The following FRMD4A variants were observed in gnomAD, a reference collection of about 807,000 sequenced individuals.
The protein encoded by FRMD4A is FERM domain containing 4A.
FRMD4A carries 29 observed loss-of-function variants against 129.1 expected under a neutral mutation model. That is an observed-to-expected ratio of 0.22 (90% CI 0.17 to 0.31). The LOEUF (loss-of-function observed/expected upper bound fraction) is 0.31. Ranked by LOEUF, FRMD4A falls within the 10% of genes least tolerant of loss-of-function variation. The pLI is 1.00. For missense variants in FRMD4A, 1,272 were observed against 1,375.8 expected (o/e 0.92, Z 1.19); for synonymous variants, 634 against 571.6 (o/e 1.11, Z -1.56).
chr10:13,960,897 C>A (rs1393768398), intron 2 of FRMD4A, among the ~76,000 whole-genome samples: 1 of 152,186 alleles, frequency 6.6e-6, no homozygotes, highest in African/African-American at 2.4e-5. Context: ...GAGGGCAGGG[C>A]AGAGTCACAA....
chr10:13,967,162 C>T (rs187344897), intron 2 of FRMD4A, among the ~76,000 whole-genome samples: 4 of 152,304 alleles, frequency 2.6e-5, no homozygotes, highest in Non-Finnish European at 4.4e-5. Context: ...CGGTGAAACC[C>T]TGTCTCTACT....
At chr10:14,271,415 A>G (rs1307042070) in intron 2 of FRMD4A, among the ~76,000 whole-genome samples, 1 of 152,218 alleles carries the variant, frequency 6.6e-6, no homozygotes, top group Non-Finnish European at 1.5e-5. Context: ...TAGGGCACTC[A>G]CATACAAACC....
At chr10:13,891,597 C>A (rs2094697441) in intron 2 of FRMD4A, 10 of 985,188 alleles carry the variant, frequency 1.0e-5, no homozygotes, top group South Asian at 4.7e-5. Context: ...TCCCTGCCAC[C>A]GCGACCGGGA....
intron 2 of FRMD4A, among the ~76,000 whole-genome samples, chr10:13,974,151 T>G (rs1329768024): frequency 6.6e-6 from 1 of 152,104 alleles, no homozygotes. Context: ...CATTGTTTTA[T>G]TCTACGACGA....
intron 3 of FRMD4A, among the ~76,000 whole-genome samples, chr10:13,818,916 A>T (rs1177872912): frequency 6.6e-6 from 1 of 152,236 alleles, no homozygotes; most frequent in East Asian, 1.9e-4. Flanking sequence ...ACCTGAGGCC[A>T]GGAGTTTGAG....
At chr10:13,941,921 A>G (rs1203632019) in intron 2 of FRMD4A, among the ~76,000 whole-genome samples, 1 of 152,040 alleles carries the variant, frequency 6.6e-6, no homozygotes, top group East Asian at 1.9e-4. Flanking sequence ...TTTACATTTT[A>G]CCCTGGTCTG....
intron 2 of FRMD4A, among the ~76,000 whole-genome samples, chr10:14,147,210 A>G (rs1168426969): frequency 6.6e-6 from 1 of 152,152 alleles, no homozygotes; most frequent in Admixed American, 6.6e-5. Flanking sequence ...ATCAGGTGAG[A>G]GTCTAAAGGT....
Position 13,699,224 on chromosome 10 carries a change from G to GTTTTTTTTTTT in FRMD4A, c.975+2105_975+2115dup, listed in dbSNP as rs1168489802. 5.9e-3 allele frequency among the ~76,000 whole-genome samples: 448 copies of GTTTTTTTTTTT among 76,126 alleles called. 2 individuals carry two copies. The highest frequency in any genetic ancestry group is 0.015 in the East Asian group (29 of 1,938). 49.9% of individuals were successfully genotyped at this position (76,126 alleles called of 152,430 possible). ...ATGCCTGCCACGATGCTTGGTTATT[G>GTTTTTTTTTTT]TTTTTTTTTTTTTTTTTTTTTTTTG... On this transcript the variant is annotated intron_variant, in intron 14 of 24. Coordinates refer to ENST00000357447, the MANE Select transcript of FRMD4A (RefSeq NM_018027.5).
At chr10:13,882,635 T>C (rs1390309640) in intron 2 of FRMD4A, among the ~76,000 whole-genome samples, 2 of 152,116 alleles carry the variant, frequency 1.3e-5, no homozygotes, top group Non-Finnish European at 2.9e-5. Flanking sequence ...AAAGTTCTGC[T>C]GGGAAGGCAC....
At chr10:14,305,743 C>G (rs1589288851) in intron 2 of FRMD4A, among the ~76,000 whole-genome samples, 1 of 152,018 alleles carries the variant, frequency 6.6e-6, no homozygotes, top group South Asian at 2.1e-4. Flanking sequence ...CCGTCAATGA[C>G]AGACTGGATA....
chr10:13,754,593 T>A (rs2091777440), intron 8 of FRMD4A, among the ~76,000 whole-genome samples: 1 of 151,250 alleles, frequency 6.6e-6, no homozygotes, highest in African/African-American at 2.4e-5. Context: ...TGTGTGTGTG[T>A]GTGTGTGTAA....
intron 2 of FRMD4A, among the ~76,000 whole-genome samples, chr10:14,132,317 A>G (rs769853847): frequency 6.6e-6 from 1 of 152,032 alleles, no homozygotes; most frequent in Non-Finnish European, 1.5e-5. Flanking sequence ...AAAACCAAAA[A>G]TCTTAAACAT....
intron 2 of FRMD4A, among the ~76,000 whole-genome samples, chr10:14,002,756 C>T (rs1043375030): frequency 2.0e-5 from 3 of 152,050 alleles, no homozygotes; most frequent in Non-Finnish European, 4.4e-5. Context: ...TTTACTCAGA[C>T]TTGGGGAAGG....
rs367808298 is a variant in FRMD4A at position 13,693,989 on chromosome 10, G to A, written c.1026C>T (p.Thr342=). The A allele has an allele frequency of 2.5e-5, 39 of 1,549,726 alleles. No individual in the cohort carries two copies. The Admixed American group carries it at 3.2e-4, about 13-fold the overall frequency. The stretch of plus-strand genomic sequence containing the variant: ...TCGAGGTCTTCAGCGTCCCCGTCTC[G>A]GTCAGGTCGATGGCGATCTCACTCA... The part of the protein sequence containing the change: ...RSLSEIAIDL[T]ETGTLKTSKL... Residue 342 remains threonine, a synonymous_variant, in exon 15 of 25, where the codon ACC becomes ACT. Coordinates refer to ENST00000357447, the MANE Select transcript of FRMD4A (RefSeq NM_018027.5).
chr10:13,706,720 C>G (rs1318026426), intron 13 of FRMD4A, among the ~76,000 whole-genome samples: 3 of 147,436 alleles, frequency 2.0e-5, no homozygotes, highest in Non-Finnish European at 4.5e-5. Flanking sequence ...CCTTCCAGTG[C>G]CCCGGCAGGT....
chr10:13,890,800 G>A (rs1229381159), intron 2 of FRMD4A: 15 of 985,164 alleles, frequency 1.5e-5, no homozygotes, highest in Middle Eastern at 5.2e-4. Flanking sequence ...CGGGGGGCTG[G>A]CATGGCTGCA....
intron 14 of FRMD4A, among the ~76,000 whole-genome samples, chr10:13,696,800 G>A (rs1031760033): frequency 3.3e-5 from 5 of 152,044 alleles, no homozygotes; most frequent in Admixed American, 1.3e-4. Context: ...AATCACTATC[G>A]GACTTTGACC....
At chr10:14,177,179 A>G (rs1333201879) in intron 2 of FRMD4A, among the ~76,000 whole-genome samples, 1 of 151,598 alleles carries the variant, frequency 6.6e-6, no homozygotes, top group East Asian at 1.9e-4. Context: ...CCAATCATGT[A>G]CCCTTCTTTT....
At chr10:13,896,030 C>T (rs2094754126) in intron 2 of FRMD4A, among the ~76,000 whole-genome samples, 2 of 152,074 alleles carry the variant, frequency 1.3e-5, no homozygotes, top group Non-Finnish European at 1.5e-5. Context: ...CAGGTGCTGG[C>T]GAGGCTGTGG....
Sources: allele counts gnomAD v4.1 joint callset (sites outside exome capture counted in the v4.1 genomes callset), GRCh38; gene constraint gnomAD v4.1.1; transcripts MANE v1.5; gene names NCBI Gene and HGNC (gene_info 2026-07-23, HGNC 2026-07-21).